The following UBE3C variants were observed in gnomAD, a reference collection of about 807,000 sequenced individuals.
UBE3C encodes the protein ubiquitin protein ligase E3C, also known as ubiquitin-protein ligase E3C.
A neutral mutation model predicts 129.4 loss-of-function variants in UBE3C; 42 were observed. The observed-to-expected ratio is 0.32, with a 90% CI of 0.25 to 0.42. The LOEUF is 0.42. UBE3C is among the 10% of genes least tolerant of loss of function. The pLI is 1.00. For synonymous variants in UBE3C, 510 were observed against 492.4 expected (o/e 1.04, Z -0.47); for missense variants, 1,049 against 1,319.1 (o/e 0.80, Z 3.17).
chr7:157,176,694 T>G (rs773264239), intron 5 of UBE3C, among the ~76,000 whole-genome samples: 13 of 152,246 alleles, frequency 8.5e-5, no homozygotes, highest in Non-Finnish European at 1.8e-4. Context: ...AATGGTCTGC[T>G]TATAGGTAGA....
At chr7:157,206,599 A>G (rs1375679695) in intron 11 of UBE3C, among the ~76,000 whole-genome samples, 1 of 141,166 alleles carries the variant, frequency 7.1e-6, no homozygotes, top group Admixed American at 7.0e-5. Context: ...AATATTTTAA[A>G]CTTCTTTGAA....
At chr7:157,259,754 G>A (rs541095144) in intron 22 of UBE3C, among the ~76,000 whole-genome samples, 12 of 152,290 alleles carry the variant, frequency 7.9e-5, no homozygotes, top group South Asian at 4.1e-4. Flanking sequence ...GAAGTGGAGC[G>A]ACCCAAAACC....
intron 22 of UBE3C, among the ~76,000 whole-genome samples, chr7:157,265,010 A>G (rs965536863): frequency 3.3e-5 from 5 of 152,170 alleles, no homozygotes; most frequent in Admixed American, 2.6e-4. Flanking sequence ...GTGTCCCATC[A>G]TGTGATTTAC....
intron 18 of UBE3C, among the ~76,000 whole-genome samples, chr7:157,234,576 CT>C (rs1463904846): frequency 6.6e-6 from 1 of 152,106 alleles, no homozygotes. Context: ...AATAATTCCC[CT>C]TTATTTGTGT....
At chr7:157,233,519 A>G (rs55683148) in intron 18 of UBE3C, among the ~76,000 whole-genome samples, 17,588 of 151,984 alleles carry the variant, frequency 0.12, 2,859 homozygotes, top group African/African-American at 0.36. Flanking sequence ...GCGTCAAGCA[A>G]TCCTCCTGCC....
intron 13 of UBE3C, among the ~76,000 whole-genome samples, chr7:157,213,794 T>A (rs1455599886): frequency 6.6e-6 from 1 of 152,232 alleles, no homozygotes; most frequent in Non-Finnish European, 1.5e-5. Flanking sequence ...GGTCCGGGAC[T>A]AGTCATGCCA....
chr7:157,153,154 C>T (rs1326667785), intron 1 of UBE3C, among the ~76,000 whole-genome samples: 3 of 152,134 alleles, frequency 2.0e-5, no homozygotes, highest in African/African-American at 7.2e-5. Flanking sequence ...GCAGAGATCG[C>T]ACCACTTCAC....
intron 10 of UBE3C, among the ~76,000 whole-genome samples, chr7:157,200,379 G>T (rs1396366944): frequency 6.6e-6 from 1 of 152,116 alleles, no homozygotes; most frequent in Non-Finnish European, 1.5e-5. Context: ...TGCCAATATG[G>T]AACAATGCAT....
At chr7:157,192,482 G>A (rs1169244266) in intron 10 of UBE3C, 2 of 755,974 alleles carry the variant, frequency 2.6e-6, no homozygotes, top group Non-Finnish European at 4.9e-6. Flanking sequence ...AATTCCTCCT[G>A]ATCAGCAAAG....
At chr7:157,244,996 C>G (rs753260584) in intron 18 of UBE3C, among the ~76,000 whole-genome samples, 5 of 152,136 alleles carry the variant, frequency 3.3e-5, no homozygotes, top group Non-Finnish European at 7.3e-5. Context: ...TATAATTAAC[C>G]TGTGTTTAGA....
intron 18 of UBE3C, among the ~76,000 whole-genome samples, chr7:157,235,592 A>G (rs189451849): frequency 3.2e-4 from 49 of 152,364 alleles, no homozygotes; most frequent in African/African-American, 9.9e-4. Flanking sequence ...GAATATGTAT[A>G]TATTTACAGA....
intron 14 of UBE3C, among the ~76,000 whole-genome samples, chr7:157,217,879 G>A (rs917519165): frequency 4.6e-5 from 7 of 151,602 alleles, no homozygotes; most frequent in Non-Finnish European, 1.0e-4. Flanking sequence ...AATATTAGCC[G>A]GGCATGGTAA....
intron 14 of UBE3C, among the ~76,000 whole-genome samples, chr7:157,220,166 G>A (rs779266182): frequency 5.9e-5 from 9 of 152,052 alleles, no homozygotes; most frequent in East Asian, 3.9e-4. Flanking sequence ...GGCTGAGGTC[G>A]CACCACTGCA....
intron 19 of UBE3C, among the ~76,000 whole-genome samples, chr7:157,251,546 G>A (rs1796620667): frequency 6.6e-6 from 1 of 152,180 alleles, no homozygotes; most frequent in South Asian, 2.1e-4. Flanking sequence ...AGACGGGTGT[G>A]AGTGCCGGAG....
intron 9 of UBE3C, 131 bp downstream of exon 9, chr7:157,184,160 C>A: frequency 8.7e-7 from 1 of 1,147,488 alleles, no homozygotes; most frequent in Non-Finnish European, 1.2e-6. Flanking sequence ...GAAGCCCCGT[C>A]AGCCCCACTA....
chr7:157,155,142 A>G (rs1324754457), intron 1 of UBE3C, among the ~76,000 whole-genome samples: 1 of 152,172 alleles, frequency 6.6e-6, no homozygotes, highest in African/African-American at 2.4e-5. Flanking sequence ...ATTTTCATAG[A>G]GATTCTTATT....
At chr7:157,223,388 A>T (rs762951891) in intron 16 of UBE3C, 37 bp downstream of exon 16, 5 of 1,546,334 alleles carry the variant, frequency 3.2e-6, no homozygotes, top group Admixed American at 1.9e-5. Context: ...ACTACGTATC[A>T]TATTAGTGTT....
At chr7:157,140,701 C>T (rs950930631) in intron 1 of UBE3C, among the ~76,000 whole-genome samples, 10 of 152,132 alleles carry the variant, frequency 6.6e-5, no homozygotes, top group African/African-American at 2.4e-4. Flanking sequence ...CAGCGCCGCG[C>T]GGCCTCTGTT....
Position 157,207,549 on chromosome 7 carries a change from A to C in UBE3C, c.1570A>C (p.Ile524Leu). The change falls in exon 12 of 23, where the codon ATA (isoleucine) becomes CTA (leucine). Residue 524 changes from isoleucine to leucine, a missense_variant. Around this residue, in one of 4 missense-constraint regions of UBE3C, gnomAD observed 314 missense variants for 416.9 expected, o/e 0.75. Transcript: ENST00000348165. ...IHDNEFFGDPIEVVGQRQSSM... is the reference protein window; with the variant it reads ...IHDNEFFGDPLEVVGQRQSSM... ...TGATAACGAATTCTTCGGTGATCCC[A>C]TAGAAGGTAAGGATTTTGAGAAACC... is the stretch of plus-strand genomic sequence containing the variant. 6.8e-6 allele frequency: 11 copies of C among 1,611,116 alleles called. No homozygotes were observed. The highest frequency in any genetic ancestry group is 9.3e-6 in the Non-Finnish European group (11 of 1,179,430).
Sources: gnomAD v4.1 joint callset for allele counts (sites outside exome capture counted in the v4.1 genomes callset) on GRCh38, gnomAD v4.1.1 for gene constraint, gnomAD v4.1.1 regional missense constraint, MANE v1.5 for transcripts, NCBI Gene and HGNC (gene_info 2026-07-23, HGNC 2026-07-21) for gene names.